ZMIZ1: variants seen among roughly 807,000 people sequenced by gnomAD.
The protein encoded by ZMIZ1 is zinc finger MIZ-type containing 1.
A neutral mutation model predicts 113.9 loss-of-function variants in ZMIZ1; 17 were observed. The ratio of observed to expected loss-of-function variants is 0.15; its 90% CI spans 0.10 to 0.22. ZMIZ1 has a LOEUF of 0.22. Ranked by LOEUF, ZMIZ1 falls within the 10% of genes least tolerant of loss-of-function variation. The pLI is 1.00. For synonymous variants in ZMIZ1, 607 were observed against 603.1 expected (o/e 1.01, Z -0.09); for missense variants, 1,059 against 1,477.8 (o/e 0.72, Z 4.65).
In ZMIZ1 at chr10:79,276,848, C is replaced by T. The variant is rs553861848; in HGVS notation, c.281-333C>T. 1.7e-3 allele frequency among the ~76,000 whole-genome samples: 264 copies of T among 152,254 alleles called. 1 individual carries two copies. Among genetic ancestry groups the T allele is most frequent in the African/African-American group, 6.2e-3 (256 of 41,548 alleles). On this transcript the variant is annotated intron_variant, in intron 7 of 24. Coordinates refer to ENST00000334512, the MANE Select transcript of ZMIZ1 (RefSeq NM_020338.4). Reference sequence around the variant, plus strand: ...GTCTGTGTCAGGCCCCCTCACTCCTCCAGTTTCCACTTGGCACCATCTCTG... The same window carrying T: ...GTCTGTGTCAGGCCCCCTCACTCCTTCAGTTTCCACTTGGCACCATCTCTG...
At position 79,312,892 on chromosome 10, in the gene ZMIZ1, A is replaced by T; in HGVS notation, c.*143A>T. 1.4e-6 allele frequency: 1 copy of T among 710,484 alleles called. No individual in the cohort carries two copies. Among genetic ancestry groups the T allele is most frequent in the Admixed American group, 2.8e-5 (1 of 35,406 alleles). 44.0% of individuals were successfully genotyped at this position (710,484 alleles called of 1,614,324 possible). On this transcript the variant is annotated 3_prime_UTR_variant, in exon 25 of 25. Coordinates refer to ENST00000334512, the MANE Select transcript of ZMIZ1 (RefSeq NM_020338.4). ...GGGGCGGGGAGCCCTCCCCCGCTGC[A>T]GCCCTCTCAGAACAGAGGGGTAGGG...
At chr10:79,259,046 A>T (rs1042444998) in intron 7 of ZMIZ1, among the ~76,000 whole-genome samples, 7 of 152,138 alleles carry the variant, frequency 4.6e-5, no homozygotes, top group Non-Finnish European at 7.4e-5. Flanking sequence ...GCGCCCAGCC[A>T]TGCCTCGCCC....
rs1451979012 is a variant in ZMIZ1, at chr10:79,311,054, C to G, written c.2966C>G (p.Pro989Arg). 2 of 1,613,532 alleles carry G rather than the reference C, an allele frequency of 1.2e-6. No homozygotes were observed. Among genetic ancestry groups the G allele is most frequent in the Non-Finnish European group, 8.5e-7 (1 of 1,180,026 alleles). The stretch of plus-strand genomic sequence containing the variant: ...GCTCCTCCTCCTCCTCCTTCCCAGC[C>G]TCCCCGGCAGCCGCCACAGGCCGCT... ...SGAPPPPPSQ[P>R]PRQPPQAAPS... Residue 989 changes from proline to arginine, a missense_variant, in exon 24 of 25, where the codon CCT becomes CGT. Physicochemically the swap from Pro to Arg is moderately radical, Grantham distance 103. Transcript: ENST00000334512.
At chr10:79,101,588 C>T (rs947258922) in intron 1 of ZMIZ1, among the ~76,000 whole-genome samples, 1 of 152,172 alleles carries the variant, frequency 6.6e-6, no homozygotes, top group Non-Finnish European at 1.5e-5. Flanking sequence ...GGCACGGCCA[C>T]GTTCACAGGA....
intron 4 of ZMIZ1, among the ~76,000 whole-genome samples, chr10:79,179,024 T>G (rs1016907920): frequency 5.3e-5 from 8 of 151,902 alleles, no homozygotes; most frequent in African/African-American, 1.9e-4. Flanking sequence ...AGGAGAGGAG[T>G]CGGGCAGCTG....
intron 3 of ZMIZ1, among the ~76,000 whole-genome samples, chr10:79,152,699 C>T (rs571082412): frequency 1.3e-4 from 20 of 152,348 alleles, no homozygotes; most frequent in African/African-American, 4.8e-4. Flanking sequence ...CTGAGTACAG[C>T]TCTACCACTT....
At chr10:79,196,220 T>G (rs1183308931) in intron 4 of ZMIZ1, among the ~76,000 whole-genome samples, 1 of 152,222 alleles carries the variant, frequency 6.6e-6, no homozygotes, top group Non-Finnish European at 1.5e-5. Context: ...TGTTCTTTTA[T>G]TAAGAAACAC....
chr10:79,249,435 G>A (rs923609020), intron 7 of ZMIZ1, among the ~76,000 whole-genome samples: 6 of 152,190 alleles, frequency 3.9e-5, no homozygotes, highest in African/African-American at 7.2e-5. Context: ...AGGACATGGC[G>A]GCCCTGGTCA....
At chr10:79,204,794 AG>A (rs1431173681) in intron 5 of ZMIZ1, among the ~76,000 whole-genome samples, 1 of 152,190 alleles carries the variant, frequency 6.6e-6, no homozygotes, top group African/African-American at 2.4e-5. Flanking sequence ...GGACGTGTAT[AG>A]ATGATGAATG....
rs1554835047 is a variant in ZMIZ1 at position 79,314,168 on chromosome 10, T to TA, written c.*1420dup. On this transcript the variant is annotated 3_prime_UTR_variant, in exon 25 of 25. Coordinates refer to ENST00000334512, the MANE Select transcript of ZMIZ1 (RefSeq NM_020338.4). Reference sequence around the variant, plus strand: ...CTCCACCGCTTTGCTCCATCTGGCTTACCACTCTCCAGGGCCTCCTGGGGA... The same window carrying TA: ...CTCCACCGCTTTGCTCCATCTGGCTTAACCACTCTCCAGGGCCTCCTGGGGA... The TA allele has an allele frequency of 1.1e-5, 5 of 456,946 alleles. No homozygotes were observed. Among genetic ancestry groups the TA allele is most frequent in the East Asian group, 6.9e-5 (1 of 14,550 alleles). The allele number at this position is 456,946 out of a possible 1,614,324, so 28.3% of individuals were successfully genotyped here. A position where few individuals can be genotyped will look rare whatever the true frequency, so the allele number is the denominator to read the frequency against.
At chr10:79,283,188 G>A (rs912583399) in intron 8 of ZMIZ1, among the ~76,000 whole-genome samples, 3 of 152,200 alleles carry the variant, frequency 2.0e-5, no homozygotes, top group African/African-American at 4.8e-5. Context: ...TTATAGGTGC[G>A]GGATTTATGA....
chr10:79,179,271 G>A (rs112018889), intron 4 of ZMIZ1, among the ~76,000 whole-genome samples: 2 of 152,210 alleles, frequency 1.3e-5, no homozygotes, highest in African/African-American at 4.8e-5. Context: ...CCACTCACCT[G>A]TGGACTCCTA....
chr10:79,256,248 T>TG (rs1850894648), intron 7 of ZMIZ1, among the ~76,000 whole-genome samples: 1 of 152,206 alleles, frequency 6.6e-6, no homozygotes, highest in African/African-American at 2.4e-5. Flanking sequence ...GAGGGAATTC[T>TG]GGGGGGCCTC....
chr10:79,243,099 GCTCCTC>G (rs949454526), intron 7 of ZMIZ1, among the ~76,000 whole-genome samples: 1 of 150,784 alleles, frequency 6.6e-6, no homozygotes, highest in African/African-American at 2.4e-5. Context: ...TTCCTCCCGC[GCTCCTC>G]CTCCTCCTCC....
intron 4 of ZMIZ1, among the ~76,000 whole-genome samples, chr10:79,171,040 C>G (rs1846578779): frequency 6.6e-6 from 1 of 152,204 alleles, no homozygotes. Context: ...GAACCCCCTC[C>G]CAGCCCATGG....
intron 14 of ZMIZ1, among the ~76,000 whole-genome samples, chr10:79,297,916 A>G (rs4980060): frequency 0.11 from 17,432 of 152,078 alleles, 1,465 homozygotes; most frequent in East Asian, 0.25. Flanking sequence ...TCTTGAAAAC[A>G]AGGAGAGGGA....
rs1167944205 is a variant in ZMIZ1, at chr10:79,296,671, C to T, written c.1413+18C>T. 6.5e-7 allele frequency: 1 copy of T among 1,529,168 alleles called. No homozygotes were observed. The highest frequency in any genetic ancestry group is 8.8e-7 in the Non-Finnish European group (1 of 1,136,932). The allele number at this position is 1,529,168 out of a possible 1,614,324, so 94.7% of individuals were successfully genotyped here. On this transcript the variant is annotated intron_variant, in intron 13 of 24. Transcript: ENST00000334512. This position sits in a 1 kb window ranked among gnomAD's most constrained non-coding sequence, Gnocchi z 4.1. ...ATTACAAGGTGAGTCCCAGCCTCGC[C>T]ACCACCCACGGGGCCCCTTCCCTCC...
At chr10:79,147,715 C>A (rs1845549712) in intron 3 of ZMIZ1, among the ~76,000 whole-genome samples, 1 of 152,202 alleles carries the variant, frequency 6.6e-6, no homozygotes, top group South Asian at 2.1e-4. Context: ...GAGGATGCAA[C>A]CCCTACATTG....
intron 1 of ZMIZ1, among the ~76,000 whole-genome samples, chr10:79,092,789 C>T (rs1305995337): frequency 2.0e-5 from 3 of 152,184 alleles, no homozygotes; most frequent in Non-Finnish European, 4.4e-5. Flanking sequence ...ATGCTCGTGG[C>T]TCTTTGAAAT....
Sources: allele counts gnomAD v4.1 joint callset (sites outside exome capture counted in the v4.1 genomes callset), GRCh38; gene constraint gnomAD v4.1.1; non-coding constraint Gnocchi (gnomAD v3.1); transcripts MANE v1.5; gene names NCBI Gene and HGNC (gene_info 2026-07-23, HGNC 2026-07-21).